The following EXOC4 variants were observed in gnomAD, a reference collection of about 807,000 sequenced individuals.
EXOC4 encodes the protein exocyst complex component 4, also known as SEC8-like 1.
Under a neutral mutation model 107.2 loss-of-function variants are expected in EXOC4, and 71 were observed. That is an observed-to-expected ratio of 0.66 (90% CI 0.55 to 0.81). The LOEUF is 0.81. EXOC4 is among the 30% of genes least tolerant of loss of function. The probability of loss-of-function intolerance (pLI) is 0.00; values close to 1 mark genes in which losing one functional copy is unlikely to be tolerated. For missense variants in EXOC4, 1,108 were observed against 1,189.6 expected (o/e 0.93, Z 1.01); for synonymous variants, 456 against 441.2 (o/e 1.03, Z -0.42).
Position 133,678,756 on chromosome 7 carries a change from G to A in EXOC4, c.1514+48615G>A, listed in dbSNP as rs534047389. 5.0e-4 allele frequency among the ~76,000 whole-genome samples: 76 copies of A among 151,878 alleles called. 1 individual carries two copies. Among genetic ancestry groups the A allele is most frequent in the Middle Eastern group, 3.4e-3 (1 of 294 alleles). On this transcript the variant is annotated intron_variant, in intron 10 of 17. Transcript: ENST00000253861. ...CTCCCAGGTGGCTGGGACCACAGGCGCATGCCTCCACACCTGGGTAGTGTT... is the reference window on the plus strand; with the variant it reads ...CTCCCAGGTGGCTGGGACCACAGGCACATGCCTCCACACCTGGGTAGTGTT...
At position 133,540,266 on chromosome 7, in the gene EXOC4, C is replaced by T. The variant is rs185416657; in HGVS notation, c.1417+60128C>T. 1.8e-4 allele frequency among the ~76,000 whole-genome samples: 28 copies of T among 152,272 alleles called. No homozygotes were observed. The East Asian group carries it at 5.4e-3, about 29-fold the overall frequency. On this transcript the variant is annotated intron_variant, in intron 9 of 17. Coordinates refer to ENST00000253861, the MANE Select transcript of EXOC4 (RefSeq NM_021807.4). ...ATGTAATCTGTGGTAAACCACATACCATCTAAATGTTGCCACTGGATTTCT... is the reference window on the plus strand; with the variant it reads ...ATGTAATCTGTGGTAAACCACATACTATCTAAATGTTGCCACTGGATTTCT...
chr7:133,618,298 C>CT lies in EXOC4; in HGVS notation c.1418-11737dup, dbSNP rs912057453. On this transcript the variant is annotated intron_variant, in intron 9 of 17. Transcript: ENST00000253861. ...TAGTTTCTGTTTTGCATTTTGAGAG[C>CT]TTTTTTTTTTAAAGTTCAATATACC... is the stretch of plus-strand genomic sequence containing the variant. Among the ~76,000 whole-genome samples, 12 of 146,178 alleles carry CT rather than the reference C, an allele frequency of 8.2e-5. No individual in the cohort carries two copies. The East Asian group carries it at 1.0e-3, about 12-fold the overall frequency.
chr7:133,454,125 T>G (rs1030002784), intron 7 of EXOC4, among the ~76,000 whole-genome samples: 29 of 152,198 alleles, frequency 1.9e-4, no homozygotes, highest in Admixed American at 3.3e-4. Context: ...CTATTACAGT[T>G]TCACCCCTAC....
chr7:133,783,132 G>A (rs747598987), intron 10 of EXOC4, among the ~76,000 whole-genome samples: 9 of 152,258 alleles, frequency 5.9e-5, no homozygotes, highest in African/African-American at 1.2e-4. Context: ...GCATTAATAC[G>A]TTATTTTTTA....
intron 9 of EXOC4, among the ~76,000 whole-genome samples, chr7:133,525,339 T>G (rs1003620272): frequency 1.3e-5 from 2 of 152,182 alleles, no homozygotes; most frequent in Non-Finnish European, 2.9e-5. Context: ...AACCTTTACT[T>G]AGGTTTTATT....
the EXOC4 span, among the ~76,000 whole-genome samples, chr7:134,073,227 A>AAAAAAAC: frequency 5.5e-5 from 1 of 18,114 alleles, no homozygotes; most frequent in East Asian, 2.1e-3. Context: ...AAAAAAAAAA[A>AAAAAAAC]AAAAACAACA....
At chr7:134,002,388 GA>G (rs1346997676) in intron 15 of EXOC4, among the ~76,000 whole-genome samples, 4 of 151,892 alleles carry the variant, frequency 2.6e-5, no homozygotes, top group African/African-American at 9.7e-5. Context: ...GAAAACATAG[GA>G]AAAAATTTTT....
intron 7 of EXOC4, among the ~76,000 whole-genome samples, chr7:133,462,970 G>A (rs1798630580): frequency 6.6e-6 from 1 of 152,162 alleles, no homozygotes; most frequent in Non-Finnish European, 1.5e-5. Flanking sequence ...GGAAGCCATT[G>A]AAGGACTTGT....
chr7:134,008,109 A>G (rs1024113518), intron 17 of EXOC4, among the ~76,000 whole-genome samples: 1 of 152,324 alleles, frequency 6.6e-6, no homozygotes, highest in East Asian at 1.9e-4. Flanking sequence ...GTAAAAGTAT[A>G]CATGCTCATT....
At chr7:133,876,703 A>G (rs531645921) in intron 11 of EXOC4, among the ~76,000 whole-genome samples, 5 of 151,966 alleles carry the variant, frequency 3.3e-5, no homozygotes, top group Non-Finnish European at 5.9e-5. Context: ...ATCGAGTACC[A>G]TTTTCCCAGG....
intron 7 of EXOC4, among the ~76,000 whole-genome samples, chr7:133,399,697 T>A (rs1029850855): frequency 1.3e-5 from 2 of 152,232 alleles, no homozygotes; most frequent in Non-Finnish European, 2.9e-5. Context: ...TTGTACCTTT[T>A]CAGAAATGCT....
intron 7 of EXOC4, among the ~76,000 whole-genome samples, chr7:133,469,330 C>T (rs1201428555): frequency 1.3e-5 from 2 of 152,070 alleles, no homozygotes; most frequent in Non-Finnish European, 2.9e-5. Context: ...GCAGGAGAAT[C>T]GCTTGAACCT....
At chr7:133,384,624 G>A (rs566388495) in intron 7 of EXOC4, among the ~76,000 whole-genome samples, 2 of 151,870 alleles carry the variant, frequency 1.3e-5, no homozygotes, top group Admixed American at 6.6e-5. Flanking sequence ...TGAAATTAAA[G>A]CTACTGGCAT....
rs1799117473 is a variant in EXOC4 at position 133,480,065 on chromosome 7, C to G, written c.1344C>G (p.Ser448=). Residue 448 remains serine (S), a synonymous_variant, in exon 9 of 18, where the codon TCC becomes TCG. Transcript: ENST00000253861. ...KNSLFKFESS[S]HAISMSAYLR... ...TTCTCTGCAGGTTCGAATCGTCCTC[C>G]CATGCCATCAGTATGAGCGCCTATC... The G allele has an allele frequency of 1.2e-6, 2 of 1,613,784 alleles. No individual in the cohort carries two copies. Among genetic ancestry groups the G allele is most frequent in the Admixed American group, 1.7e-5 (1 of 59,980 alleles).
intron 9 of EXOC4, among the ~76,000 whole-genome samples, chr7:133,600,627 C>G (rs988493918): frequency 6.6e-6 from 1 of 152,092 alleles, no homozygotes; most frequent in Non-Finnish European, 1.5e-5. Flanking sequence ...ATGGGTCTCT[C>G]TTGTGTTCCA....
At chr7:133,493,593 C>T (rs893799289) in intron 9 of EXOC4, among the ~76,000 whole-genome samples, 9 of 152,118 alleles carry the variant, frequency 5.9e-5, no homozygotes, top group Non-Finnish European at 1.0e-4. Context: ...ACCAATAAGC[C>T]TGTTAGTGAA....
chr7:133,313,050 C>T (rs985710898), intron 4 of EXOC4, among the ~76,000 whole-genome samples: 40 of 151,636 alleles, frequency 2.6e-4, no homozygotes, highest in African/African-American at 8.7e-4. Flanking sequence ...GAATGTTCTT[C>T]ACTGCATTGT....
At chr7:133,911,099 A>G (rs1265552282) in intron 12 of EXOC4, among the ~76,000 whole-genome samples, 6 of 152,068 alleles carry the variant, frequency 3.9e-5, no homozygotes, top group African/African-American at 1.2e-4. Context: ...AGGTACACCT[A>G]TTTTCCTCTT....
chr7:133,518,678 T>C (rs943319597), intron 9 of EXOC4, among the ~76,000 whole-genome samples: 2 of 152,178 alleles, frequency 1.3e-5, no homozygotes, highest in African/African-American at 4.8e-5. Flanking sequence ...GGGTGGACAT[T>C]CTAACACATG....
Sources: gnomAD v4.1 joint callset for allele counts (sites outside exome capture counted in the v4.1 genomes callset) on GRCh38, gnomAD v4.1.1 for gene constraint, MANE v1.5 for transcripts, NCBI Gene and HGNC (gene_info 2026-07-23, HGNC 2026-07-21) for gene names.